The following LRIF1 variants were observed in gnomAD, a reference collection of about 807,000 sequenced individuals.
LRIF1 encodes ligand dependent nuclear receptor interacting factor 1.
A neutral mutation model predicts 52.7 loss-of-function variants in LRIF1; 32 were observed. That is an observed-to-expected ratio of 0.61 (90% CI 0.46 to 0.82). The LOEUF is 0.82. LRIF1 is among the 40% of genes least tolerant of loss of function. The pLI, the probability that LRIF1 is intolerant of heterozygous loss-of-function variation, is 0.00. For missense variants in LRIF1, 887 were observed against 892.0 expected, an observed-to-expected ratio of 0.99 and a Z score of 0.07; for synonymous variants, 323 against 317.4, an observed-to-expected ratio of 1.02 and a Z score of -0.19.
chr1:110,903,485 C>A, the LRIF1 span, among the ~76,000 whole-genome samples: 79 of 152,318 alleles, frequency 5.2e-4, no homozygotes, highest in Non-Finnish European at 8.7e-4. Context: ...CTGTTTCAGG[C>A]CCTAGCTCTT....
At chr1:110,919,269 A>G in the LRIF1 span, among the ~76,000 whole-genome samples, 4 of 151,710 alleles carry the variant, frequency 2.6e-5, no homozygotes, top group Admixed American at 6.6e-5. Context: ...GGGCTGGGGA[A>G]GGCAGACCCA....
the LRIF1 span, among the ~76,000 whole-genome samples, chr1:110,934,246 G>GT: frequency 6.6e-6 from 1 of 152,166 alleles, no homozygotes; most frequent in Non-Finnish European, 1.5e-5. Flanking sequence ...CTGGCTTCAG[G>GT]TGAGACTCAG....
the LRIF1 span, among the ~76,000 whole-genome samples, chr1:110,917,746 A>C: frequency 7.2e-5 from 11 of 151,846 alleles, no homozygotes; most frequent in African/African-American, 2.7e-4. Flanking sequence ...ATGGAAAAAA[A>C]TTAGATCAGC....
the LRIF1 span, among the ~76,000 whole-genome samples, chr1:110,887,539 A>G: frequency 1.3e-5 from 2 of 152,318 alleles, no homozygotes; most frequent in African/African-American, 2.4e-5. Flanking sequence ...TGGCATTCCT[A>G]TAAATCTTAT....
the LRIF1 span, chr1:110,897,699 C>G: frequency 4.8e-6 from 3 of 620,010 alleles, no homozygotes; most frequent in South Asian, 4.2e-5. Flanking sequence ...AATACCTAAG[C>G]CTCTTTGTAT....
the LRIF1 span, among the ~76,000 whole-genome samples, chr1:110,935,838 T>C: frequency 6.6e-6 from 1 of 151,994 alleles, no homozygotes; most frequent in Non-Finnish European, 1.5e-5. Flanking sequence ...AATATCCATA[T>C]ACAAGAATGT....
chr1:110,936,174 A>G, the LRIF1 span, among the ~76,000 whole-genome samples: 1 of 152,202 alleles, frequency 6.6e-6, no homozygotes, highest in Non-Finnish European at 1.5e-5. Flanking sequence ...CATCAACACC[A>G]GGTCTATTCT....
the LRIF1 span, among the ~76,000 whole-genome samples, chr1:110,905,847 C>T: frequency 6.6e-6 from 1 of 151,690 alleles, no homozygotes; most frequent in Non-Finnish European, 1.5e-5. Flanking sequence ...ATAGACAGTA[C>T]AATAAGATAT....
the LRIF1 span, among the ~76,000 whole-genome samples, chr1:110,888,231 G>A: frequency 1.3e-5 from 2 of 152,216 alleles, no homozygotes; most frequent in East Asian, 3.8e-4. Context: ...AAGGCACGAA[G>A]TTTGTGGTAA....
rs748063125 is a variant in LRIF1, at chr1:110,952,035, A to T, written c.849T>A (p.His283Gln). 6.2e-7 allele frequency: 1 copy of T among 1,614,232 alleles called. No homozygotes were observed. The highest frequency in any genetic ancestry group is 8.5e-7 in the Non-Finnish European group (1 of 1,180,032). ...TCCATTTCACTGGAGCAGCTTGAGA[A>T]TGCTGACCACCTTTCAATTGTGTCT... The part of the protein sequence containing the change: ...ATETQLKGGQ[H>Q]SQAAPVKWIF... The change falls in exon 2 of 4, where the codon CAT becomes CAA. Residue 283 changes from histidine (H) to glutamine (Q), a missense_variant. Coordinates refer to ENST00000369763, the MANE Select transcript of LRIF1 (RefSeq NM_018372.4).
At position 110,951,564 on chromosome 1, in the gene LRIF1, T is replaced by C. The variant is rs1658477276; in HGVS notation, c.1320A>G (p.Leu440=). 2.5e-6 allele frequency: 4 copies of C among 1,614,054 alleles called. No homozygotes were observed. The South Asian group carries it at 4.4e-5, about 18-fold the overall frequency. Residue 440 remains leucine, a synonymous_variant, in exon 2 of 4, where the codon CTA becomes CTG. Coordinates refer to ENST00000369763, the MANE Select transcript of LRIF1 (RefSeq NM_018372.4). The part of the protein sequence containing the change: ...SNTQLASMAN[L]RAEKNKVEKP... ...TCTCCACTTTATTCTTCTCTGCCCT[T>C]AGATTGGCCATGGAAGCAAGCTGGG...
At chr1:110,918,170 A>T in the LRIF1 span, among the ~76,000 whole-genome samples, 1 of 152,106 alleles carries the variant, frequency 6.6e-6, no homozygotes, top group Non-Finnish European at 1.5e-5. Flanking sequence ...AACCAAAAGA[A>T]ATCCTAAACT....
chr1:110,883,322 T>G, the LRIF1 span, among the ~76,000 whole-genome samples: 1 of 152,004 alleles, frequency 6.6e-6, no homozygotes, highest in Non-Finnish European at 1.5e-5. Flanking sequence ...GATAATTTAT[T>G]TTCTCTTTCA....
At chr1:110,931,755 A>C in the LRIF1 span, among the ~76,000 whole-genome samples, 1 of 152,022 alleles carries the variant, frequency 6.6e-6, no homozygotes, top group Non-Finnish European at 1.5e-5. Context: ...GCATTTTTTC[A>C]TATGTTTGTT....
At chr1:110,927,514 A>C in the LRIF1 span, among the ~76,000 whole-genome samples, 1 of 152,216 alleles carries the variant, frequency 6.6e-6, no homozygotes, top group Non-Finnish European at 1.5e-5. Context: ...GGTGGGCTCC[A>C]GTAGCCAGAA....
At chr1:110,958,699 C>G (rs1658821115) in intron 1 of LRIF1, among the ~76,000 whole-genome samples, 2 of 152,160 alleles carry the variant, frequency 1.3e-5, no homozygotes, top group South Asian at 4.1e-4. Context: ...TAAGCTTCTT[C>G]CATGTCAGTG....
chr1:110,889,131 A>G, the LRIF1 span, among the ~76,000 whole-genome samples: 2 of 152,198 alleles, frequency 1.3e-5, no homozygotes, highest in Non-Finnish European at 2.9e-5. Context: ...AAAATTCTAG[A>G]TAAAATGAAT....
chr1:110,962,259 G>A (rs1318525795), intron 1 of LRIF1, among the ~76,000 whole-genome samples: 1 of 151,534 alleles, frequency 6.6e-6, no homozygotes, highest in Admixed American at 6.6e-5. Flanking sequence ...TATGTACACA[G>A]GGCACTCTCT....
At chr1:110,914,711 C>G in the LRIF1 span, among the ~76,000 whole-genome samples, 1 of 152,060 alleles carries the variant, frequency 6.6e-6, no homozygotes, top group East Asian at 1.9e-4. Flanking sequence ...CGAGATCACA[C>G]CATTGCACTC....
Sources: allele counts gnomAD v4.1 joint callset (sites outside exome capture counted in the v4.1 genomes callset), GRCh38; gene constraint gnomAD v4.1.1; transcripts MANE v1.5; gene names NCBI Gene and HGNC (gene_info 2026-07-23, HGNC 2026-07-21).